The following TRIM14 variants were observed in gnomAD, a reference collection of about 807,000 sequenced individuals.
TRIM14 encodes tripartite motif-containing protein 14.
In TRIM14, 28 loss-of-function variants were observed where a neutral mutation model predicts 44.5. That is an observed-to-expected ratio of 0.63 (90% CI 0.47 to 0.86). The LOEUF is 0.86. TRIM14 is among the 40% of genes least tolerant of loss of function. The pLI, the probability that TRIM14 is intolerant of heterozygous loss-of-function variation, is 0.00. For synonymous variants in TRIM14, 299 were observed against 269.2 expected, an observed-to-expected ratio of 1.11 and a Z score of -1.08; for missense variants, 607 against 611.1, an observed-to-expected ratio of 0.99 and a Z score of 0.07.
At chr9:98,073,271 C>CT (rs10606237) in intron 6 of TRIM14, among the ~76,000 whole-genome samples, 1,317 of 57,804 alleles carry the variant, frequency 0.023, 254 homozygotes, top group African/African-American at 0.038. Flanking sequence ...TCACCATGGG[C>CT]TTTTTTTTTT....
chr9:98,087,151 G>A lies in TRIM14; in HGVS notation c.*319C>T, dbSNP rs1182926497. On this transcript the variant is annotated 3_prime_UTR_variant, in exon 6 of 6. Transcript: ENST00000341469. ...GGGAGAAGGTTCCCAGGCTGCGGAT[G>A]ATGTATTCAGGATGCTGAGGGCTTA... 1 of 619,000 alleles carries A rather than the reference G, an allele frequency of 1.6e-6. No homozygotes were observed. The highest frequency in any genetic ancestry group is 3.1e-6 in the Non-Finnish European group (1 of 322,938). 38.3% of individuals were successfully genotyped at this position (619,000 alleles called of 1,614,324 possible).
chr9:98,035,984 G>T, the TRIM14 span, among the ~76,000 whole-genome samples: 1 of 152,152 alleles, frequency 6.6e-6, no homozygotes, highest in East Asian at 1.9e-4. Flanking sequence ...GCCGAGGTGG[G>T]TGGATTACGA....
the TRIM14 span, among the ~76,000 whole-genome samples, chr9:98,042,161 C>T: frequency 2.0e-4 from 30 of 151,364 alleles, no homozygotes; most frequent in Non-Finnish European, 3.8e-4. Flanking sequence ...GGCGTGGTGG[C>T]AGGAGCCTCT....
At chr9:98,040,664 C>CTTTT in the TRIM14 span, among the ~76,000 whole-genome samples, 181 of 146,602 alleles carry the variant, frequency 1.2e-3, 1 homozygote, top group African/African-American at 4.4e-3. Flanking sequence ...ATTTTCTTTT[C>CTTTT]TTTTTTTTTT....
At position 98,094,869 on chromosome 9, in the gene TRIM14, T is replaced by C. The variant is rs773018076; in HGVS notation, c.698A>G (p.Glu233Gly). 6.2e-7 allele frequency: 1 copy of C among 1,613,118 alleles called. No individual in the cohort carries two copies. Among genetic ancestry groups the C allele is most frequent in the African/African-American group, 1.3e-5 (1 of 74,878 alleles). Residue 233 changes from glutamate (E) to glycine (G), a missense_variant and splice_region_variant, in exon 4 of 6, where the codon GAA becomes GGA. Transcript: ENST00000341469. ...LQTPLDIRLKESINCQLSDPS... is the reference protein window; with the variant it reads ...LQTPLDIRLKGSINCQLSDPS... ...AAGTTGGTCACTCGGCGACTTACTTTCCTTAAGGCGAATGTCCAATGGCGT... is the reference window on the plus strand; with the variant it reads ...AAGTTGGTCACTCGGCGACTTACTTCCCTTAAGGCGAATGTCCAATGGCGT...
At chr9:98,070,266 T>TCC (rs1564159824) in intron 6 of TRIM14, among the ~76,000 whole-genome samples, 1 of 151,976 alleles carries the variant, frequency 6.6e-6, no homozygotes, top group Non-Finnish European at 1.5e-5. Flanking sequence ...TACAGGTGTA[T>TCC]GCCACCATGC....
At chr9:98,118,605 G>T (rs1454051279) in intron 1 of TRIM14, among the ~76,000 whole-genome samples, 1 of 152,184 alleles carries the variant, frequency 6.6e-6, no homozygotes, top group African/African-American at 2.4e-5. Flanking sequence ...ACACAGGGCT[G>T]TTTATTAAGA....
At chr9:98,057,010 GGGCCACAC>G in the TRIM14 span, 2 of 1,462,298 alleles carry the variant, frequency 1.4e-6, no homozygotes, top group African/African-American at 2.9e-5. Context: ...CGGGGAGCCA[GGGCCACAC>G]GGCCTCCGCG....
At position 98,087,311 on chromosome 9, in the gene TRIM14, C is replaced by A. The variant is rs1364313540; in HGVS notation, c.*159G>T. 1 of 1,169,560 alleles carries A rather than the reference C, an allele frequency of 8.6e-7. No individual in the cohort carries two copies. Among genetic ancestry groups the A allele is most frequent in the East Asian group, 2.3e-5 (1 of 42,836 alleles). 72.4% of individuals were successfully genotyped at this position (1,169,560 alleles called of 1,614,324 possible). ...TTTGAAACTAGCCTAGGAGAGGAAA[C>A]CTTCAAAGCACTGTAGGCGTGATTG... On this transcript the variant is annotated 3_prime_UTR_variant, in exon 6 of 6. Transcript: ENST00000341469.
the TRIM14 span, chr9:98,061,146 G>A: frequency 1.5e-6 from 1 of 689,518 alleles, no homozygotes; most frequent in Non-Finnish European, 2.4e-6. Context: ...CCAAAGCCCA[G>A]TGAGAATCTG....
intron 1 of TRIM14, among the ~76,000 whole-genome samples, chr9:98,113,268 G>T (rs1323490518): frequency 2.0e-5 from 3 of 152,122 alleles, no homozygotes; most frequent in Admixed American, 6.6e-5. Flanking sequence ...CTCTTTAATA[G>T]AAAATGGTGA....
chr9:98,106,516 T>G (rs1826617937), intron 2 of TRIM14, among the ~76,000 whole-genome samples: 1 of 152,188 alleles, frequency 6.6e-6, no homozygotes, highest in Non-Finnish European at 1.5e-5. Flanking sequence ...GGCAATATCT[T>G]TCTAATTTCC....
chr9:98,093,518 TC>T (rs1826074439), intron 4 of TRIM14, among the ~76,000 whole-genome samples: 1 of 152,072 alleles, frequency 6.6e-6, no homozygotes, highest in Admixed American at 6.6e-5. Flanking sequence ...TCAGCAGGGT[TC>T]CAAGTGGTAG....
chr9:98,070,121 T>C (rs1013840228), intron 6 of TRIM14, among the ~76,000 whole-genome samples: 3 of 152,158 alleles, frequency 2.0e-5, no homozygotes, highest in Non-Finnish European at 4.4e-5. Context: ...TCTATTTTAT[T>C]TTATATTTTA....
intron 1 of TRIM14, among the ~76,000 whole-genome samples, chr9:98,111,267 C>CA (rs1346457583): frequency 2.6e-5 from 4 of 151,652 alleles, no homozygotes; most frequent in African/African-American, 9.7e-5. Flanking sequence ...TTCATAGTGT[C>CA]AACCTTACGT....
the TRIM14 span, among the ~76,000 whole-genome samples, chr9:98,040,374 G>A: frequency 4.1e-4 from 62 of 151,980 alleles, 1 homozygote; most frequent in South Asian, 9.8e-3. Flanking sequence ...GTGTCTTCTC[G>A]TTCCTCATTC....
chr9:98,042,137 C>CA, the TRIM14 span, among the ~76,000 whole-genome samples: 1 of 150,296 alleles, frequency 6.7e-6, no homozygotes, highest in Non-Finnish European at 1.5e-5. Context: ...ACTAAAAATA[C>CA]AAAAAATTAG....
At chr9:98,060,219 G>T in the TRIM14 span, among the ~76,000 whole-genome samples, 1 of 152,088 alleles carries the variant, frequency 6.6e-6, no homozygotes, top group African/African-American at 2.4e-5. Context: ...AAGGAAAAAA[G>T]TCCCATTTTT....
chr9:98,073,574 C>G (rs1307180858), intron 6 of TRIM14, among the ~76,000 whole-genome samples: 2 of 149,814 alleles, frequency 1.3e-5, no homozygotes, highest in African/African-American at 4.9e-5. Context: ...TGAGCCACCG[C>G]GCCTGGCCTG....
Sources: gnomAD v4.1 joint callset for allele counts (sites outside exome capture counted in the v4.1 genomes callset) on GRCh38, gnomAD v4.1.1 for gene constraint, MANE v1.5 for transcripts, NCBI Gene and HGNC (gene_info 2026-07-23, HGNC 2026-07-21) for gene names.